Variants in TPM2 observed in about 807,000 individuals in gnomAD.
TPM2 encodes the protein tropomyosin beta chain.
In TPM2, 26 loss-of-function variants were observed where a neutral mutation model predicts 41.0. That is an observed-to-expected ratio of 0.63 (90% CI 0.46 to 0.88). The LOEUF is 0.88. Among genes scored for constraint, TPM2 ranks in the 40% least tolerant of loss-of-function variants. TPM2 has a pLI of 0.00. For synonymous variants in TPM2, 143 were observed against 139.3 expected (o/e 1.03, Z -0.19); for missense variants, 187 against 355.2 (o/e 0.53, Z 3.81).
Position 35,685,850 on chromosome 9 carries a change from G to A in TPM2, c.241-70C>T. The A allele has an allele frequency of 4.3e-6, 7 of 1,610,210 alleles. No homozygotes were observed. In the South Asian group the frequency reaches 7.7e-5, roughly 18 times the overall value. ...GATAAGGATCAGAGAGGCTCCAGAG[G>A]ATGGCGAGATTCTTCTCAGAAAGAA... On this transcript the variant is annotated intron_variant, in intron 2 of 8. Coordinates refer to ENST00000645482, the MANE Select transcript of TPM2 (RefSeq NM_003289.4). The surrounding 1 kb of genome is among the most constrained non-coding windows in gnomAD (Gnocchi z 5.0).
chr9:35,684,369 A>G, intron 7 of TPM2, 54 bp from the exon 8 acceptor site: 2 of 1,610,292 alleles, frequency 1.2e-6, no homozygotes, highest in Non-Finnish European at 1.7e-6. Context: ...CCTCCCACAG[A>G]CTACTGCCTA....
At position 35,685,986 on chromosome 9, in the gene TPM2, C is replaced by T. The variant is rs1055886206; in HGVS notation, c.241-206G>A. Reference sequence around the variant, plus strand: ...TGCATTCAGGCCGGGCATGGTGGCTCACGCCTGTAATCCCCGCACTCTGGG... The same window carrying T: ...TGCATTCAGGCCGGGCATGGTGGCTTACGCCTGTAATCCCCGCACTCTGGG... On this transcript the variant is annotated intron_variant, in intron 2 of 8. Coordinates refer to ENST00000645482, the MANE Select transcript of TPM2 (RefSeq NM_003289.4). This position sits in a 1 kb window ranked among gnomAD's most constrained non-coding sequence, Gnocchi z 5.0. Among the ~76,000 whole-genome samples the T allele has an allele frequency of 6.6e-6, 1 of 152,244 alleles. No individual in the cohort carries two copies. The highest frequency in any genetic ancestry group is 2.4e-5 in the African/African-American group (1 of 41,464).
chr9:35,688,134 G>GT (rs1169029944), intron 2 of TPM2, among the ~76,000 whole-genome samples: 3 of 152,086 alleles, frequency 2.0e-5, no homozygotes, highest in Non-Finnish European at 4.4e-5. Context: ...TATTTATAGA[G>GT]TGTCAGATGC....
At chr9:35,689,486 A>C (rs535429510) in intron 1 of TPM2, 121 of 871,026 alleles carry the variant, frequency 1.4e-4, no homozygotes, top group Middle Eastern at 1.2e-3. Flanking sequence ...CGCGCTCTGC[A>C]AAGGCAGAGT....
chr9:35,684,081 C>T, intron 8 of TPM2, 165 bp downstream of exon 8: 1 of 705,552 alleles, frequency 1.4e-6, no homozygotes, highest in Admixed American at 2.2e-5. Flanking sequence ...CCGTGGGCAG[C>T]TACAATTACT....
chr9:35,683,245 G>GT lies in TPM2; in HGVS notation c.773-5_773-4insA. 1.3e-6 allele frequency: 2 copies of GT among 1,549,748 alleles called. No homozygotes were observed. Among genetic ancestry groups the GT allele is most frequent in the Non-Finnish European group, 1.7e-6 (2 of 1,146,788 alleles). On this transcript the variant is annotated splice_polypyrimidine_tract_variant and splice_region_variant and intron_variant, in intron 8 of 8. Transcript: ENST00000645482. ...ATCTTCTGGGCATAGACTTCATCTG[G>GT]GGGGGGTCCAGGGAGGGGACCAGGT...
intron 2 of TPM2, among the ~76,000 whole-genome samples, chr9:35,688,815 G>C (rs568460885): frequency 6.6e-6 from 1 of 152,238 alleles, no homozygotes; most frequent in East Asian, 1.9e-4. Flanking sequence ...TCCAATTTCA[G>C]CTGGAGGATT....
chr9:35,682,136 T>C, downstream of TPM2: 4 of 1,614,112 alleles, frequency 2.5e-6, no homozygotes, highest in Non-Finnish European at 3.4e-6. Flanking sequence ...AATCTCGACG[T>C]TCTCCTCCTT....
In TPM2 at chr9:35,685,297, A is replaced by C; in HGVS notation, c.535T>G (p.Ser179Ala). 6.2e-7 allele frequency: 1 copy of C among 1,614,100 alleles called. No individual in the cohort carries two copies. Among genetic ancestry groups the C allele is most frequent in the Non-Finnish European group, 8.5e-7 (1 of 1,180,014 alleles). ...TCGGCCACCTCAGCCCTCTCCTCCG[A>C]GCGCTCCAGCTCTCCTTCCAGGATC... ...LVILEGELER[S>A]EERAEVAESK... The change falls in exon 5 of 9, where the codon TCG (serine) becomes GCG (alanine). Residue 179 changes from serine to alanine, a missense_variant. Physicochemically the swap from Ser to Ala is moderately conservative, Grantham distance 99. Transcript: ENST00000645482. This position sits in a 1 kb window ranked among gnomAD's most constrained non-coding sequence, Gnocchi z 5.0.
chr9:35,689,680 G>C (rs759006347), intron 1 of TPM2, 24 bp downstream of exon 1: 2 of 1,611,220 alleles, frequency 1.2e-6, no homozygotes, highest in Non-Finnish European at 8.5e-7. Flanking sequence ...GGGGAGAGCA[G>C]GCTGCACTGG....
At position 35,683,004 on chromosome 9, in the gene TPM2, T is replaced by C. The variant is rs531588946; in HGVS notation, c.*155A>G. On this transcript the variant is annotated 3_prime_UTR_variant, in exon 9 of 9. Transcript: ENST00000645482. ...GTAAAGGATGAAGCCAGTGCCAGAG[T>C]GGGTGGTGGGCATGATGGGGGCTCT... The C allele has an allele frequency of 6.8e-5, 105 of 1,537,516 alleles. No homozygotes were observed. The highest frequency in any genetic ancestry group is 9.0e-5 in the Non-Finnish European group (102 of 1,139,408).
intron 2 of TPM2, among the ~76,000 whole-genome samples, chr9:35,686,681 G>A (rs1012927127): frequency 1.4e-5 from 2 of 148,034 alleles, no homozygotes; most frequent in African/African-American, 2.5e-5. Flanking sequence ...GATGTCATCT[G>A]TCATCAGCTG....
downstream of TPM2, chr9:35,682,010 G>T: frequency 6.6e-7 from 1 of 1,518,632 alleles, no homozygotes; most frequent in South Asian, 1.1e-5. Context: ...AAAGGGCCTT[G>T]AGAGGCTAGT....
intron 2 of TPM2, among the ~76,000 whole-genome samples, chr9:35,688,323 C>G (rs1365160710): frequency 6.6e-6 from 1 of 152,206 alleles, no homozygotes; most frequent in Non-Finnish European, 1.5e-5. Flanking sequence ...TTATGCTAAT[C>G]TAACCATAGG....
In TPM2 at chr9:35,685,908, G is replaced by C; in HGVS notation, c.241-128C>G. On this transcript the variant is annotated intron_variant, in intron 2 of 8. Transcript: ENST00000645482. This position sits in a 1 kb window ranked among gnomAD's most constrained non-coding sequence, Gnocchi z 5.0. ...TTCCTGGTTTCTAGACATTCTATGT[G>C]ATTTTTCCCCAACCAATCATCTTCT... 1 of 1,480,392 alleles carries C rather than the reference G, an allele frequency of 6.8e-7. No homozygotes were observed. 91.7% of individuals were successfully genotyped at this position (1,480,392 alleles called of 1,614,324 possible). A position where few individuals can be genotyped will look rare whatever the true frequency, so the allele number is the denominator to read the frequency against.
At chr9:35,682,730 G>T, downstream of TPM2, 1 of 1,316,082 alleles carries the variant, frequency 7.6e-7, no homozygotes, top group Non-Finnish European at 1.0e-6. Context: ...GGGGCCACAC[G>T]TGCCCACATG....
At chr9:35,689,412 A>AG in intron 1 of TPM2, 141 bp from the exon 2 acceptor site, 3 of 1,474,258 alleles carry the variant, frequency 2.0e-6, no homozygotes, top group Middle Eastern at 5.0e-4. Flanking sequence ...AGTACAGTCA[A>AG]GGGTACTGGT....
chr9:35,682,820 G>T, downstream of TPM2: 1 of 1,385,056 alleles, frequency 7.2e-7, no homozygotes. Context: ...TTTGTGGGTG[G>T]GCTCAGTGCA....
At chr9:35,683,273 G>C in intron 8 of TPM2, 32 bp from the exon 9 acceptor site, 1 of 1,544,226 alleles carries the variant, frequency 6.5e-7, no homozygotes, top group Non-Finnish European at 8.8e-7. Flanking sequence ...GACCAGGTGG[G>C]AGTGTGGGAA....
Sources: gnomAD v4.1 joint callset for allele counts (sites outside exome capture counted in the v4.1 genomes callset) on GRCh38, gnomAD v4.1.1 for gene constraint, Gnocchi (gnomAD v3.1) non-coding constraint, MANE v1.5 for transcripts, NCBI Gene and HGNC (gene_info 2026-07-23, HGNC 2026-07-21) for gene names.